MEMO1: variants seen among roughly 807,000 people sequenced by gnomAD.
The protein encoded by MEMO1 is mediator of cell motility 1.
MEMO1 carries 6 observed loss-of-function variants against 45.2 expected under a neutral mutation model. The ratio of observed to expected loss-of-function variants is 0.13; its 90% CI spans 0.07 to 0.26. MEMO1 has a LOEUF of 0.26. Ranked by LOEUF, MEMO1 falls within the 10% of genes least tolerant of loss-of-function variation. The probability of loss-of-function intolerance (pLI) is 1.00; values close to 1 mark genes in which losing one functional copy is unlikely to be tolerated. For synonymous variants in MEMO1, 78 were observed against 124.3 expected (o/e 0.63, Z 2.48); for missense variants, 184 against 370.5 (o/e 0.50, Z 4.13).
At chr2:31,885,707 T>G (rs1676092548) in intron 7 of MEMO1, among the ~76,000 whole-genome samples, 1 of 152,188 alleles carries the variant, frequency 6.6e-6, no homozygotes, top group African/African-American at 2.4e-5. Context: ...CACTAATACA[T>G]TCTCTTTTCC....
chr2:31,928,891 G>A (rs1202275575), intron 4 of MEMO1, among the ~76,000 whole-genome samples: 1 of 152,082 alleles, frequency 6.6e-6, no homozygotes, highest in Non-Finnish European at 1.5e-5. Flanking sequence ...CAATGCTGCT[G>A]TAGAAAACCT....
chr2:31,944,677 TTTTAC>T (rs1331843231), intron 2 of MEMO1, among the ~76,000 whole-genome samples: 1 of 152,154 alleles, frequency 6.6e-6, no homozygotes, highest in Non-Finnish European at 1.5e-5. Context: ...TTCTTCCCTT[TTTTAC>T]TTTATCATTA....
intron 8 of MEMO1, among the ~76,000 whole-genome samples, chr2:31,882,502 C>T (rs1675558332): frequency 6.6e-6 from 1 of 151,654 alleles, no homozygotes; most frequent in Non-Finnish European, 1.5e-5. Context: ...ATTTTGAGAG[C>T]TTCTAAAAAT....
intron 3 of MEMO1, among the ~76,000 whole-genome samples, chr2:31,941,065 T>A (rs1438882021): frequency 6.6e-6 from 1 of 152,176 alleles, no homozygotes; most frequent in Non-Finnish European, 1.5e-5. Flanking sequence ...CTAAGTCAGA[T>A]CATGTCATTC....
intron 2 of MEMO1, chr2:31,963,284 A>G: frequency 1.3e-6 from 2 of 1,519,780 alleles, no homozygotes; most frequent in South Asian, 2.5e-5. Flanking sequence ...GAAGATAAAC[A>G]GATCTACAGA....
chr2:31,949,645 A>AC (rs1417405974), intron 2 of MEMO1, among the ~76,000 whole-genome samples: 1 of 150,434 alleles, frequency 6.6e-6, no homozygotes, highest in Non-Finnish European at 1.5e-5. Context: ...ATGGGTACAA[A>AC]AAAAAAAAAA....
intron 6 of MEMO1, among the ~76,000 whole-genome samples, chr2:31,904,887 A>G (rs1338058079): frequency 6.6e-6 from 1 of 152,224 alleles, no homozygotes; most frequent in East Asian, 1.9e-4. Flanking sequence ...AGACATGCAT[A>G]TAGAATTTAA....
Position 31,918,002 on chromosome 2 carries a change from G to A in MEMO1, c.361C>T (p.Arg121Cys), listed in dbSNP as rs1237762375. 10 of 1,610,886 alleles carry A rather than the reference G, an allele frequency of 6.2e-6. No homozygotes were observed. Among genetic ancestry groups the A allele is most frequent in the African/African-American group, 2.7e-5 (2 of 74,792 alleles). ...TCTTCATCTGTCTGCAGAGACATGC[G>A]TTCAAACATTCCTGTCTTCCACAGT... ...GELWKTGMFE[R>C]MSLQTDEDEH... The change falls in exon 6 of 10, where the codon CGC (arginine) becomes TGC (cysteine). Residue 121 changes from arginine to cysteine, a missense_variant. Coordinates refer to ENST00000404530, the MANE Select transcript of MEMO1 (RefSeq NM_001301833.4).
chr2:31,899,095 A>C (rs1678357042), intron 6 of MEMO1, among the ~76,000 whole-genome samples: 1 of 152,236 alleles, frequency 6.6e-6, no homozygotes, highest in African/African-American at 2.4e-5. Context: ...AATATAGTGA[A>C]AACAGCCCAC....
chr2:31,977,321 T>A (rs1196902195), intron 2 of MEMO1, among the ~76,000 whole-genome samples: 1 of 152,150 alleles, frequency 6.6e-6, no homozygotes, highest in Non-Finnish European at 1.5e-5. Flanking sequence ...GTTTAGGACT[T>A]CTCATGCTTG....
At chr2:31,976,699 GC>G (rs1199573205) in intron 2 of MEMO1, among the ~76,000 whole-genome samples, 1 of 151,668 alleles carries the variant, frequency 6.6e-6, no homozygotes, top group Non-Finnish European at 1.5e-5. Context: ...TAATTTTTTT[GC>G]TATTTTTGCT....
intron 7 of MEMO1, among the ~76,000 whole-genome samples, chr2:31,889,442 TAAGTATTATCTTCATG>T (rs1055945015): frequency 1.3e-5 from 2 of 151,998 alleles, no homozygotes; most frequent in African/African-American, 2.4e-5. Flanking sequence ...GAAAAACCAT[TAAGTATTATCTTCATG>T]AGAAAAAGCT....
intron 8 of MEMO1, among the ~76,000 whole-genome samples, chr2:31,870,597 G>A (rs1673560176): frequency 6.6e-6 from 1 of 152,010 alleles, no homozygotes; most frequent in African/African-American, 2.4e-5. Context: ...CCTTTTTTTA[G>A]ATGGAGTCTT....
intron 3 of MEMO1, among the ~76,000 whole-genome samples, chr2:31,936,481 C>G (rs935593797): frequency 2.0e-5 from 3 of 152,330 alleles, no homozygotes; most frequent in Admixed American, 1.3e-4. Context: ...TGCTCCTACA[C>G]AGTAGACCCT....
At chr2:31,985,605 C>T (rs998184693) in intron 2 of MEMO1, among the ~76,000 whole-genome samples, 5 of 152,186 alleles carry the variant, frequency 3.3e-5, no homozygotes, top group South Asian at 2.1e-4. Context: ...GGATTACAGG[C>T]GTGAGACACC....
At chr2:31,920,967 T>A in intron 4 of MEMO1, 57 bp from the exon 5 acceptor site, 1 of 1,158,766 alleles carries the variant, frequency 8.6e-7, no homozygotes, top group Non-Finnish European at 1.3e-6. Flanking sequence ...CAAACCTTAT[T>A]AAATAAAAGA....
intron 7 of MEMO1, among the ~76,000 whole-genome samples, chr2:31,883,991 C>G (rs1364431471): frequency 6.6e-6 from 1 of 150,898 alleles, no homozygotes; most frequent in African/African-American, 2.4e-5. Context: ...CATTTTTGCA[C>G]AACTTGGAAA....
At chr2:31,938,564 C>G (rs957815820) in intron 3 of MEMO1, among the ~76,000 whole-genome samples, 1 of 151,806 alleles carries the variant, frequency 6.6e-6, no homozygotes, top group African/African-American at 2.4e-5. Flanking sequence ...AGGAGAATGG[C>G]GTGAACCCGG....
At chr2:31,920,994 A>G (rs774103815) in intron 4 of MEMO1, 84 bp from the exon 5 acceptor site, 60 of 902,874 alleles carry the variant, frequency 6.6e-5, no homozygotes, top group Non-Finnish European at 9.5e-5. Flanking sequence ...AGTAATTCTT[A>G]CAAATCACTT....
Sources: allele counts gnomAD v4.1 joint callset (sites outside exome capture counted in the v4.1 genomes callset), GRCh38; gene constraint gnomAD v4.1.1; transcripts MANE v1.5; gene names NCBI Gene and HGNC (gene_info 2026-07-23, HGNC 2026-07-21).